Variants in MYO18B observed in about 807,000 individuals in gnomAD.
MYO18B encodes myosin XVIIIB, also known as unconventional myosin-XVIIIb.
In MYO18B, 204 loss-of-function variants were observed where a neutral mutation model predicts 273.0. The ratio of observed to expected loss-of-function variants is 0.75; its 90% confidence interval spans 0.67 to 0.84. The LOEUF is 0.84. Ranked by LOEUF, MYO18B falls within the 40% of genes least tolerant of loss-of-function variation. The pLI is 0.00. For synonymous variants in MYO18B, 1,330 were observed against 1,305.7 expected, an observed-to-expected ratio of 1.02 and a Z score of -0.40; for missense variants, 3,212 against 3,287.6, an observed-to-expected ratio of 0.98 and a Z score of 0.56.
At chr22:25,823,823 C>G in intron 13 of MYO18B, 145 bp downstream of exon 13, 1 of 853,360 alleles carries the variant, frequency 1.2e-6, no homozygotes, top group Non-Finnish European at 1.8e-6. Context: ...GGGAAGCCAT[C>G]GTGGGTGGAA....
intron 39 of MYO18B, chr22:25,983,418 C>G (rs1238328351): frequency 6.6e-6 from 1 of 152,078 alleles, no homozygotes; most frequent in African/African-American, 2.4e-5. Context: ...ACTTTTTCCT[C>G]AAAATATGGA....
chr22:25,880,093 G>A (rs1417951180), intron 25 of MYO18B, among the ~76,000 whole-genome samples: 1 of 152,160 alleles, frequency 6.6e-6, no homozygotes, highest in Non-Finnish European at 1.5e-5. Flanking sequence ...TGGTCAGCAA[G>A]CCACGGCTAG....
intron 3 of MYO18B, among the ~76,000 whole-genome samples, chr22:25,765,013 G>A (rs553587279): frequency 5.3e-5 from 8 of 152,182 alleles, no homozygotes; most frequent in East Asian, 1.9e-4. Context: ...TGAGGTGGCC[G>A]GGGTGGTGCC....
intron 7 of MYO18B, among the ~76,000 whole-genome samples, chr22:25,772,811 G>A (rs944064455): frequency 6.6e-6 from 1 of 152,200 alleles, no homozygotes; most frequent in Admixed American, 6.5e-5. Context: ...GCACCTTCTT[G>A]TATTAACTCA....
chr22:26,036,581 C>T, the MYO18B span, among the ~76,000 whole-genome samples: 2 of 152,150 alleles, frequency 1.3e-5, no homozygotes, highest in African/African-American at 4.8e-5. Context: ...AGGCCTACAG[C>T]TTGTAGGATT....
Position 25,960,749 on chromosome 22 carries a change from A to G in MYO18B, c.6156+5385A>G, listed in dbSNP as rs148058149. Among the ~76,000 whole-genome samples, 721 of 152,232 alleles carry G rather than the reference A, an allele frequency of 4.7e-3. 8 individuals are homozygous for G. Among genetic ancestry groups the G allele is most frequent in the South Asian group, 0.021 (102 of 4,820 alleles). On this transcript the variant is annotated intron_variant, in intron 39 of 43. Transcript: ENST00000335473. ...ATCATCCCCTCCAGTCTGGGCTTCT[A>G]TAGTGACTCCTCACTTGTCTCCCCA... is the stretch of plus-strand genomic sequence containing the variant.
rs61488241 is a variant in MYO18B, at chr22:25,799,131, T to TTGTGTGTGTGTGTGTG, written c.2521+1049_2521+1064dup. ...TTATCACCTTATGCGGTGTTTACGTTTGTGTGTGTGTGTGTGTGTGTGTGT... is the reference window on the plus strand; with the variant it reads ...TTATCACCTTATGCGGTGTTTACGTTTGTGTGTGTGTGTGTGTGTGTGTGTGTGTGTGTGTGTGTGT... On this transcript the variant is annotated intron_variant, in intron 12 of 43. Transcript: ENST00000335473. Among the ~76,000 whole-genome samples the TTGTGTGTGTGTGTGTG allele has an allele frequency of 1.2e-3, 168 of 145,244 alleles. 1 individual carries two copies. The highest frequency in any genetic ancestry group is 3.5e-3 in the Middle Eastern group (1 of 284).
intron 11 of MYO18B, among the ~76,000 whole-genome samples, chr22:25,789,235 A>G (rs766852293): frequency 1.3e-5 from 2 of 151,580 alleles, no homozygotes; most frequent in Non-Finnish European, 2.9e-5. Flanking sequence ...CTCAGTTCCC[A>G]TTCCATGTTC....
At chr22:25,831,745 G>A (rs189800123) in intron 15 of MYO18B, among the ~76,000 whole-genome samples, 1 of 152,252 alleles carries the variant, frequency 6.6e-6, no homozygotes, top group African/African-American at 2.4e-5. Flanking sequence ...TTCCAGCACC[G>A]AACACTCAGC....
chr22:25,843,692 C>A, intron 17 of MYO18B, 43 bp from the exon 18 acceptor site: 1 of 1,583,144 alleles, frequency 6.3e-7, no homozygotes, highest in Non-Finnish European at 8.6e-7. Flanking sequence ...TGCAGAGTGT[C>A]CTCAACAGGC....
chr22:25,785,078 G>A (rs768737396), intron 10 of MYO18B, among the ~76,000 whole-genome samples: 1 of 152,184 alleles, frequency 6.6e-6, no homozygotes, highest in South Asian at 2.1e-4. Flanking sequence ...TTAGGACTTA[G>A]CATGCAGTAA....
At chr22:25,791,095 A>G (rs1406874248) in intron 11 of MYO18B, among the ~76,000 whole-genome samples, 2 of 152,204 alleles carry the variant, frequency 1.3e-5, no homozygotes, top group African/African-American at 4.8e-5. Context: ...TCACCCATCA[A>G]GTGACTCACT....
At chr22:25,901,542 CTT>C (rs2091935295) in intron 29 of MYO18B, 1 of 152,072 alleles carries the variant, frequency 6.6e-6, no homozygotes, top group Admixed American at 6.5e-5. Flanking sequence ...ACTGACTAGT[CTT>C]TGTGTTTTCT....
At chr22:25,932,331 A>T (rs1014922100) in intron 34 of MYO18B, among the ~76,000 whole-genome samples, 1 of 151,950 alleles carries the variant, frequency 6.6e-6, no homozygotes, top group Non-Finnish European at 1.5e-5. Context: ...TAATATTGAT[A>T]AAAATCCTTC....
Position 25,876,223 on chromosome 22 carries a change from A to G in MYO18B, c.4115A>G (p.Asn1372Ser). ...CTGGCTGCACAGTGCATCCAGAAGA[A>G]TGTGGCTGTGTTCCTCGCAGTCAAG... is the stretch of plus-strand genomic sequence containing the variant. ...RRLAAQCIQK[N>S]VAVFLAVKDW... is the part of the protein sequence containing the mutation. The change falls in exon 24 of 44, where the codon AAT becomes AGT. Residue 1372 changes from asparagine to serine, a missense_variant. Transcript: ENST00000335473. The G allele has an allele frequency of 6.2e-7, 1 of 1,613,352 alleles. No homozygotes were observed. The highest frequency in any genetic ancestry group is 8.5e-7 in the Non-Finnish European group (1 of 1,179,630).
At chr22:25,745,766 C>T (rs2085762507) in intron 1 of MYO18B, among the ~76,000 whole-genome samples, 1 of 152,172 alleles carries the variant, frequency 6.6e-6, no homozygotes, top group African/African-American at 2.4e-5. Flanking sequence ...TTCAGGGTTT[C>T]AAGTGAATTT....
rs552920108 is a variant in MYO18B at position 25,828,480 on chromosome 22, G to A, written c.2787-296G>A. Among the ~76,000 whole-genome samples, 6 of 152,080 alleles carry A rather than the reference G, an allele frequency of 3.9e-5. No homozygotes were observed. In the East Asian group the frequency reaches 1.2e-3, roughly 29 times the overall value. ...AGGAGGGCCTAGGCTTCATATGGTA[G>A]CCAACTTCTGGGTGACCTTAAGCTA... On this transcript the variant is annotated intron_variant, in intron 14 of 43. Coordinates refer to ENST00000335473, the MANE Select transcript of MYO18B (RefSeq NM_032608.7).
At chr22:25,972,871 G>T (rs1356729141) in intron 39 of MYO18B, among the ~76,000 whole-genome samples, 1 of 151,570 alleles carries the variant, frequency 6.6e-6, no homozygotes, top group Admixed American at 6.6e-5. Flanking sequence ...CATGAGAATT[G>T]GTTGAACCTA....
intron 12 of MYO18B, among the ~76,000 whole-genome samples, chr22:25,804,106 A>G (rs8142008): frequency 0.032 from 4,843 of 152,214 alleles, 250 homozygotes; most frequent in African/African-American, 0.11. Flanking sequence ...GGTAGCTACA[A>G]CCATGCCCAG....
Sources: allele counts gnomAD v4.1 joint callset (sites outside exome capture counted in the v4.1 genomes callset), GRCh38; gene constraint gnomAD v4.1.1; transcripts MANE v1.5; gene names NCBI Gene and HGNC (gene_info 2026-07-23, HGNC 2026-07-21).